HPSE2: variants seen among roughly 807,000 people sequenced by gnomAD.
The protein encoded by HPSE2 is heparanase 2 (inactive), also known as inactive heparanase-2.
Under a neutral mutation model 60.5 loss-of-function variants are expected in HPSE2, and 38 were observed. The ratio of observed to expected loss-of-function variants is 0.63; its 90% CI spans 0.48 to 0.82. The LOEUF is 0.82. Among genes scored for constraint, HPSE2 ranks in the 40% least tolerant of loss-of-function variants. The pLI, the probability that HPSE2 is intolerant of heterozygous loss-of-function variation, is 0.00. For synonymous variants in HPSE2, 295 were observed against 293.2 expected (o/e 1.01, Z -0.06); for missense variants, 713 against 740.4 (o/e 0.96, Z 0.43).
chr10:98,857,635 G>C (rs1203312028), intron 3 of HPSE2, among the ~76,000 whole-genome samples: 1 of 152,120 alleles, frequency 6.6e-6, no homozygotes, highest in Non-Finnish European at 1.5e-5. Context: ...GATCTCAATG[G>C]AGTTGTGTCT....
intron 3 of HPSE2, among the ~76,000 whole-genome samples, chr10:99,059,134 C>T (rs1455450206): frequency 2.0e-5 from 3 of 152,140 alleles, no homozygotes; most frequent in South Asian, 2.1e-4. Context: ...TCTCAGTTTG[C>T]AGACCATACT....
chr10:99,129,637 T>C (rs1410009905), intron 3 of HPSE2, among the ~76,000 whole-genome samples: 2 of 151,774 alleles, frequency 1.3e-5, no homozygotes, highest in African/African-American at 4.8e-5. Flanking sequence ...GCTAAAGCAA[T>C]GCTAAGAGGA....
intron 3 of HPSE2, among the ~76,000 whole-genome samples, chr10:98,871,956 GC>G (rs1952743457): frequency 6.6e-6 from 1 of 152,060 alleles, no homozygotes; most frequent in African/African-American, 2.4e-5. Context: ...ATTGATTTTG[GC>G]CCAAAAATGA....
At chr10:98,571,769 C>A (rs1470651743) in intron 9 of HPSE2, among the ~76,000 whole-genome samples, 1 of 152,116 alleles carries the variant, frequency 6.6e-6, no homozygotes, top group African/African-American at 2.4e-5. Flanking sequence ...AAATATCACA[C>A]AAAATAACTG....
chr10:98,938,856 A>C, intron 3 of HPSE2, among the ~76,000 whole-genome samples: 1 of 144,300 alleles, frequency 6.9e-6, no homozygotes, highest in Admixed American at 6.9e-5. Context: ...TTACCCACAA[A>C]GGGAAGTCCA....
chr10:98,922,559 A>T (rs1954312659), intron 3 of HPSE2, among the ~76,000 whole-genome samples: 1 of 152,222 alleles, frequency 6.6e-6, no homozygotes, highest in Admixed American at 6.5e-5. Context: ...ACAGAAAAAA[A>T]TGAAGAACAT....
At chr10:98,617,208 A>T (rs1945936161) in intron 8 of HPSE2, among the ~76,000 whole-genome samples, 1 of 152,166 alleles carries the variant, frequency 6.6e-6, no homozygotes, top group African/African-American at 2.4e-5. Flanking sequence ...ATGTGAAAAG[A>T]TCCTACTTGT....
chr10:98,907,325 G>A (rs1471312161), intron 3 of HPSE2, among the ~76,000 whole-genome samples: 2 of 152,144 alleles, frequency 1.3e-5, no homozygotes, highest in East Asian at 3.9e-4. Context: ...AAATCTTAAG[G>A]AGGAAGTATG....
At chr10:98,851,815 C>T (rs572130277) in intron 3 of HPSE2, among the ~76,000 whole-genome samples, 2 of 152,244 alleles carry the variant, frequency 1.3e-5, no homozygotes, top group South Asian at 4.2e-4. Context: ...GAATTCTTTA[C>T]ACTACAACTA....
chr10:98,985,101 G>T (rs10786491), intron 3 of HPSE2, among the ~76,000 whole-genome samples: 115,664 of 152,052 alleles, frequency 0.76, 44,350 homozygotes, highest in East Asian at 0.86. Context: ...CCCCAATCTA[G>T]CAAGGCACGC....
chr10:99,041,022 G>A (rs1957726945), intron 3 of HPSE2, among the ~76,000 whole-genome samples: 1 of 151,788 alleles, frequency 6.6e-6, no homozygotes, highest in African/African-American at 2.4e-5. Context: ...GGGAGGCGGA[G>A]CTTGTAGTGA....
chr10:99,172,755 G>A (rs187654433), intron 2 of HPSE2, among the ~76,000 whole-genome samples: 1 of 152,238 alleles, frequency 6.6e-6, no homozygotes, highest in East Asian at 1.9e-4. Flanking sequence ...GCGCATGCTT[G>A]TAATCCCATC....
chr10:98,497,418 T>C (rs1941881076), intron 9 of HPSE2, among the ~76,000 whole-genome samples: 1 of 152,184 alleles, frequency 6.6e-6, no homozygotes, highest in African/African-American at 2.4e-5. Flanking sequence ...ATTCATGATA[T>C]ACTGATAAAC....
the HPSE2 span, among the ~76,000 whole-genome samples, chr10:99,294,943 G>A: frequency 7.1e-4 from 107 of 151,718 alleles, no homozygotes; most frequent in African/African-American, 2.5e-3. Flanking sequence ...GCAACAGAGT[G>A]AGACTCAGTC....
intron 9 of HPSE2, among the ~76,000 whole-genome samples, chr10:98,533,543 G>A (rs1340408401): frequency 6.6e-6 from 1 of 152,138 alleles, no homozygotes; most frequent in African/African-American, 2.4e-5. Flanking sequence ...CCAAACACCA[G>A]TTAACTCTTT....
intron 3 of HPSE2, among the ~76,000 whole-genome samples, chr10:98,875,528 GTAAT>G (rs1375901238): frequency 6.6e-6 from 1 of 151,728 alleles, no homozygotes; most frequent in African/African-American, 2.4e-5. Context: ...AATTGAGGCA[GTAAT>G]TAATAGCCTA....
upstream of HPSE2, among the ~76,000 whole-genome samples, chr10:99,240,546 G>A (rs1418483507): frequency 6.6e-6 from 1 of 151,914 alleles, no homozygotes; most frequent in African/African-American, 2.4e-5. Flanking sequence ...AAGTAGCTGG[G>A]ACTACAGGCA....
intron 9 of HPSE2, among the ~76,000 whole-genome samples, chr10:98,533,769 GAAA>G: frequency 6.6e-6 from 1 of 152,310 alleles, no homozygotes; most frequent in South Asian, 2.1e-4. Context: ...CTGGAAATTT[GAAA>G]ATCGGACAGA....
chr10:99,100,847 T>A (rs1236236370), intron 3 of HPSE2, among the ~76,000 whole-genome samples: 1 of 152,156 alleles, frequency 6.6e-6, no homozygotes, highest in African/African-American at 2.4e-5. Context: ...TCAACATTCT[T>A]AAAGAAAAGA....
Sources: gnomAD v4.1 joint callset for allele counts (sites outside exome capture counted in the v4.1 genomes callset) on GRCh38, gnomAD v4.1.1 for gene constraint, MANE v1.5 for transcripts, NCBI Gene and HGNC (gene_info 2026-07-23, HGNC 2026-07-21) for gene names.